CHD8: variants seen among roughly 807,000 people sequenced by gnomAD.
CHD8 encodes the protein ATP-dependent chromatin remodeler CHD8.
CHD8 carries 31 observed loss-of-function variants against 279.2 expected under a neutral mutation model. The ratio of observed to expected loss-of-function variants is 0.11; its 90% CI spans 0.08 to 0.15. CHD8 has a LOEUF of 0.15. CHD8 is among the 10% of genes least tolerant of loss of function. CHD8 has a pLI of 1.00. For missense variants in CHD8, 2,146 were observed against 3,230.5 expected, an observed-to-expected ratio of 0.66 and a Z score of 8.14; for synonymous variants, 1,081 against 1,139.6, an observed-to-expected ratio of 0.95 and a Z score of 1.04.
chr14:21,425,632 A>G (rs968041943), intron 5 of CHD8: 2 of 152,262 alleles, frequency 1.3e-5, no homozygotes, highest in Admixed American at 1.3e-4. Flanking sequence ...GCCAAGTATC[A>G]CTATTTTTAT....
At chr14:21,392,938 C>T in intron 33 of CHD8, 129 bp from the exon 34 acceptor site, 1 of 1,165,462 alleles carries the variant, frequency 8.6e-7, no homozygotes, top group East Asian at 2.4e-5. Flanking sequence ...GAAGTTAATA[C>T]TATTAAGATT....
intron 7 of CHD8, 146 bp from the exon 8 acceptor site, chr14:21,415,139 C>T (rs531063851): frequency 3.2e-6 from 2 of 621,492 alleles, no homozygotes; most frequent in African/African-American, 3.7e-5. Flanking sequence ...TCTGGTACTT[C>T]AATAATAGAG....
chr14:21,409,782 A>C (rs1158080716), intron 11 of CHD8, 69 bp downstream of exon 11: 4 of 1,479,664 alleles, frequency 2.7e-6, no homozygotes, highest in Middle Eastern at 2.2e-4. Flanking sequence ...AACAACAAAA[A>C]ATTTCATAGG....
In CHD8 at chr14:21,408,573, G is replaced by GAA. The variant is rs111776414; in HGVS notation, c.2487-20_2487-19dup. 3,368 of 1,481,686 alleles carry GAA rather than the reference G, an allele frequency of 2.3e-3. 30 individuals carry two copies. In the African/African-American group the frequency reaches 0.033, roughly 15 times the overall value. The allele number at this position is 1,481,686 out of a possible 1,614,324, so 91.8% of individuals were successfully genotyped here. On this transcript the variant is annotated intron_variant, in intron 12 of 37. Transcript: ENST00000646647. This position sits in a 1 kb window ranked among gnomAD's most constrained non-coding sequence, Gnocchi z 4.3. ...AGTTCTGCCTGCAGATTCACCATGG[G>GAA]AAAAAAAAAATGTTAAAAGATACTA...
In CHD8 at chr14:21,402,244, C is replaced by T; in HGVS notation, c.3882+92G>A. 1 of 1,517,992 alleles carries T rather than the reference C, an allele frequency of 6.6e-7. No individual in the cohort carries two copies. The highest frequency in any genetic ancestry group is 2.3e-5 in the East Asian group (1 of 44,358). 94.0% of individuals were successfully genotyped at this position (1,517,992 alleles called of 1,614,324 possible). On this transcript the variant is annotated intron_variant, in intron 19 of 37. Transcript: ENST00000646647. The surrounding 1 kb of genome is among the most constrained non-coding windows in gnomAD (Gnocchi z 4.5). ...AAGAAATAATAATTGAGAATCCAAA[C>T]AAGGTAGTCAAATCCCTGTGTACAA...
Position 21,385,659 on chromosome 14 carries a change from G to C in CHD8, c.7700C>G (p.Pro2567Arg). 2 of 1,551,888 alleles carry C rather than the reference G, an allele frequency of 1.3e-6. No individual in the cohort carries two copies. The highest frequency in any genetic ancestry group is 2.4e-5 in the South Asian group (2 of 84,052). ...GGAGTCTGAGTTAGCTGGCATCATA[G>C]GATCATCAATGAGTGAGAAGTCCCT... The part of the protein sequence containing the change: ...SERDFSLIDD[P>R]MMPANSDSSE... The change falls in exon 38 of 38, where the codon CCT (proline) becomes CGT (arginine). Residue 2567 changes from proline (P) to arginine (R), a missense_variant. By Grantham distance (103) the Pro-to-Arg change is moderately radical. This residue lies in a region of CHD8 where 336 missense variants were observed against 392.9 expected (regional missense o/e 0.86). Transcript: ENST00000646647.
At chr14:21,411,370 A>G (rs984997983) in intron 10 of CHD8, among the ~76,000 whole-genome samples, 2 of 152,352 alleles carry the variant, frequency 1.3e-5, no homozygotes, top group Middle Eastern at 3.4e-3. Context: ...TGTCCTGGAT[A>G]TCTAAGATTC....
rs576742245 is a variant in CHD8 at position 21,405,412 on chromosome 14, T to C, written c.3104A>G (p.Glu1035Gly). The C allele has an allele frequency of 6.2e-7, 1 of 1,600,312 alleles. No homozygotes were observed. The highest frequency in any genetic ancestry group is 8.5e-7 in the Non-Finnish European group (1 of 1,172,696). ...LKPMMLRRLK[E>G]DVEKNLAPKQ... ...GGGTGCCAAGTTTTTTTCAACATCC[T>C]CTTTGAGTCTTCTCAGCATCATTGG... The change falls in exon 16 of 38, where the codon GAG becomes GGG. Residue 1035 changes from glutamate to glycine, a missense_variant. This residue lies in a region of CHD8 where 211 missense variants were observed against 464.7 expected (regional missense o/e 0.45). Transcript: ENST00000646647. The surrounding 1 kb of genome is among the most constrained non-coding windows in gnomAD (Gnocchi z 4.2).
intron 10 of CHD8, 89 bp from the exon 11 acceptor site, chr14:21,410,077 C>A (rs1888421851): frequency 1.5e-6 from 2 of 1,295,930 alleles, no homozygotes; most frequent in Admixed American, 2.7e-5. Context: ...AAAATCAGAT[C>A]ACAAAGTATC....
intron 5 of CHD8, among the ~76,000 whole-genome samples, chr14:21,423,818 C>T (rs2139521255): frequency 6.6e-6 from 1 of 152,262 alleles, no homozygotes; most frequent in Middle Eastern, 3.4e-3. Context: ...ACATTTAATC[C>T]TTGAAGCAAC....
At chr14:21,452,592 C>T (rs762781374) in intron 1 of CHD8, among the ~76,000 whole-genome samples, 11 of 151,696 alleles carry the variant, frequency 7.3e-5, no homozygotes, top group Non-Finnish European at 5.9e-5. Context: ...TGCAGTAAGC[C>T]GAGATCGCGC....
Position 21,414,343 on chromosome 14 carries a change from G to A in CHD8, c.2100C>T (p.Arg700=). 1.9e-6 allele frequency: 3 copies of A among 1,575,436 alleles called. No individual in the cohort carries two copies. Among genetic ancestry groups the A allele is most frequent in the Non-Finnish European group, 1.7e-6 (2 of 1,157,714 alleles). ...TCATCTGAGCCATTTTGGTTTTGAAGCGCTTTAATTTTTGATGTATCCTCT... is the reference window on the plus strand; with the variant it reads ...TCATCTGAGCCATTTTGGTTTTGAAACGCTTTAATTTTTGATGTATCCTCT... The part of the protein sequence containing the change: ...KDKRIHQKLK[R]FKTKMAQMRH... Residue 700 remains arginine, a synonymous_variant, in exon 9 of 38, where the codon CGC becomes CGT. Coordinates refer to ENST00000646647, the MANE Select transcript of CHD8 (RefSeq NM_001170629.2).
chr14:21,451,747 A>G (rs1384339412), intron 1 of CHD8, among the ~76,000 whole-genome samples: 3 of 152,066 alleles, frequency 2.0e-5, no homozygotes, highest in East Asian at 3.8e-4. Flanking sequence ...GAAGTTGACC[A>G]TTTTGCTTCA....
chr14:21,438,156 G>T (rs916195836), intron 1 of CHD8, among the ~76,000 whole-genome samples: 1 of 152,176 alleles, frequency 6.6e-6, no homozygotes, highest in Non-Finnish European at 1.5e-5. Context: ...CGCCTCGCGT[G>T]TTCAAGCGAT....
Position 21,385,723 on chromosome 14 carries a change from C to G in CHD8, c.7636G>C (p.Asp2546His). 2 of 1,551,730 alleles carry G rather than the reference C, an allele frequency of 1.3e-6. No individual in the cohort carries two copies. Among genetic ancestry groups the G allele is most frequent in the Non-Finnish European group, 1.7e-6 (2 of 1,147,010 alleles). Residue 2546 changes from aspartate (D) to histidine (H), a missense_variant, in exon 38 of 38, where the codon GAT (aspartate) becomes CAT (histidine). By Grantham distance (81) the Asp-to-His change is moderately conservative (BLOSUM62 -1). Around this residue, in one of 26 missense-constraint regions of CHD8, gnomAD observed 336 missense variants for 392.9 expected, o/e 0.86. Transcript: ENST00000646647. ...TAGCCCTGAGATAAGTCATCATCAT[C>G]TTCTTCATCCTCATCGTCATCCTCC... ...PEEDDDEDEE[D>H]DDDLSQGYDS...
At position 21,418,050 on chromosome 14, in the gene CHD8, A is replaced by G. The variant is rs74432078; in HGVS notation, c.1717-2143T>C. 2.9e-4 allele frequency among the ~76,000 whole-genome samples: 44 copies of G among 152,090 alleles called. 1 individual carries two copies. Among genetic ancestry groups the G allele is most frequent in the African/African-American group, 1.0e-3 (42 of 41,520 alleles). ...CAGATTCCTACAAAGTCACGTTTGT[A>G]TATTCATAAAGTCAAATATTACTGA... On this transcript the variant is annotated intron_variant, in intron 5 of 37. Transcript: ENST00000646647.
At position 21,405,678 on chromosome 14, in the gene CHD8, C is replaced by A; in HGVS notation, c.3051+43G>T. 1 of 1,604,402 alleles carries A rather than the reference C, an allele frequency of 6.2e-7. No homozygotes were observed. Among genetic ancestry groups the A allele is most frequent in the South Asian group, 1.1e-5 (1 of 90,072 alleles). ...GATGTCTGCCTTGTACAAACTTCAC[C>A]TTCTTTGTCCTGAGTTAGTACCTCA... On this transcript the variant is annotated intron_variant, in intron 15 of 37. Transcript: ENST00000646647. This position sits in a 1 kb window ranked among gnomAD's most constrained non-coding sequence, Gnocchi z 4.2.
At chr14:21,445,852 T>C (rs1449274664) in intron 1 of CHD8, among the ~76,000 whole-genome samples, 1 of 151,658 alleles carries the variant, frequency 6.6e-6, no homozygotes. Flanking sequence ...GTACAAAAAT[T>C]AGCTGGGTGT....
At chr14:21,391,331 G>A (rs1213454468) in intron 36 of CHD8, 132 bp downstream of exon 36, 1 of 856,120 alleles carries the variant, frequency 1.2e-6, no homozygotes, top group East Asian at 2.7e-5. Flanking sequence ...TGGAAGACTG[G>A]GTATTATTAA....
Sources: gnomAD v4.1 joint callset for allele counts (sites outside exome capture counted in the v4.1 genomes callset) on GRCh38, gnomAD v4.1.1 for gene constraint, gnomAD v4.1.1 regional missense constraint, Gnocchi (gnomAD v3.1) non-coding constraint, MANE v1.5 for transcripts, NCBI Gene and HGNC (gene_info 2026-07-23, HGNC 2026-07-21) for gene names.